The following EYS variants were observed in gnomAD, a reference collection of about 807,000 sequenced individuals.
The protein encoded by EYS is protein eyes shut homolog.
Under a neutral mutation model 282.1 loss-of-function variants are expected in EYS, and 250 were observed. The ratio of observed to expected loss-of-function variants is 0.89; its 90% CI spans 0.80 to 0.98. The LOEUF (loss-of-function observed/expected upper bound fraction) is 0.98. Ranked by LOEUF, EYS falls within the 50% of genes least tolerant of loss-of-function variation. EYS has a pLI of 0.00. For synonymous variants in EYS, 1,355 were observed against 1,282.9 expected (o/e 1.06, Z -1.20); for missense variants, 4,016 against 3,709.0 (o/e 1.08, Z -2.15).
chr6:64,019,416 C>CAT (rs561340590), intron 33 of EYS, among the ~76,000 whole-genome samples: 2 of 150,538 alleles, frequency 1.3e-5, no homozygotes, highest in African/African-American at 4.9e-5. Context: ...TCTTTCTTTC[C>CAT]TTTTTATTTT....
At chr6:64,584,413 T>C (rs1228411215) in intron 26 of EYS, among the ~76,000 whole-genome samples, 3 of 151,618 alleles carry the variant, frequency 2.0e-5, no homozygotes, top group Admixed American at 1.3e-4. Context: ...TTTAATATAA[T>C]ATTTAATATA....
At chr6:64,369,524 G>GTCTATGA (rs1772282940) in intron 29 of EYS, among the ~76,000 whole-genome samples, 1 of 151,906 alleles carries the variant, frequency 6.6e-6, no homozygotes, top group Non-Finnish European at 1.5e-5. Flanking sequence ...CACAATATTG[G>GTCTATGA]TTCTTCCCGT....
At chr6:65,357,696 G>A (rs1764543637) in intron 8 of EYS, among the ~76,000 whole-genome samples, 1 of 151,838 alleles carries the variant, frequency 6.6e-6, no homozygotes, top group Non-Finnish European at 1.5e-5. Context: ...AGTCTGCAAA[G>A]TATTCTCTTA....
intron 8 of EYS, among the ~76,000 whole-genome samples, chr6:65,371,622 T>C (rs1468946865): frequency 6.6e-6 from 1 of 151,724 alleles, no homozygotes; most frequent in African/African-American, 2.4e-5. Context: ...AGTATGATAA[T>C]ATTGAGCCTC....
intron 29 of EYS, among the ~76,000 whole-genome samples, chr6:64,314,096 C>G (rs1486463335): frequency 6.7e-6 from 1 of 149,858 alleles, no homozygotes; most frequent in Non-Finnish European, 1.5e-5. Flanking sequence ...AGTCAAGACC[C>G]TTCGCTGTGC....
chr6:65,469,085 G>A (rs1252576136), intron 5 of EYS, among the ~76,000 whole-genome samples: 1 of 152,030 alleles, frequency 6.6e-6, no homozygotes, highest in African/African-American at 2.4e-5. Flanking sequence ...ATTTCTGATA[G>A]AACAATATTT....
intron 31 of EYS, among the ~76,000 whole-genome samples, chr6:64,133,599 T>A (rs1774059512): frequency 6.6e-6 from 1 of 151,938 alleles, no homozygotes; most frequent in African/African-American, 2.4e-5. Context: ...TATGCACACA[T>A]GTTTTAATGA....
chr6:65,174,616 C>T (rs967614651), intron 12 of EYS, among the ~76,000 whole-genome samples: 1 of 151,110 alleles, frequency 6.6e-6, no homozygotes, highest in African/African-American at 2.4e-5. Flanking sequence ...GAAGATAATT[C>T]GATCTTCTAA....
intron 1 of EYS, among the ~76,000 whole-genome samples, chr6:65,684,904 T>G (rs186852175): frequency 4.3e-4 from 66 of 151,966 alleles, no homozygotes; most frequent in Non-Finnish European, 8.2e-4. Context: ...TCCTCCACCC[T>G]CAAGTGGGCC....
At position 63,762,650 on chromosome 6, in the gene EYS, A is replaced by G; in HGVS notation, c.7899-17T>C. 1.3e-6 allele frequency: 2 copies of G among 1,548,402 alleles called. No individual in the cohort carries two copies. Among genetic ancestry groups the G allele is most frequent in the Non-Finnish European group, 1.7e-6 (2 of 1,145,372 alleles). Reference sequence around the variant, plus strand: ...CAATTGCAGCTGTGGGTTGAGAGAAAGCCGCATGGTTTGAGCACTTGTTTA... The same window carrying G: ...CAATTGCAGCTGTGGGTTGAGAGAAGGCCGCATGGTTTGAGCACTTGTTTA... On this transcript the variant is annotated splice_polypyrimidine_tract_variant and intron_variant, in intron 40 of 42. Transcript: ENST00000503581.
At chr6:64,759,542 T>C (rs1053884323) in intron 22 of EYS, among the ~76,000 whole-genome samples, 2 of 152,196 alleles carry the variant, frequency 1.3e-5, no homozygotes, top group Non-Finnish European at 1.5e-5. Flanking sequence ...TAATTACACT[T>C]ATGCTCTTAG....
chr6:65,458,324 C>A (rs1013950121), intron 5 of EYS, among the ~76,000 whole-genome samples: 1 of 152,096 alleles, frequency 6.6e-6, no homozygotes, highest in East Asian at 1.9e-4. Context: ...TGTCTTCATT[C>A]TCCACCAACC....
At chr6:65,557,701 G>A (rs1386906376) in intron 2 of EYS, among the ~76,000 whole-genome samples, 2 of 152,184 alleles carry the variant, frequency 1.3e-5, no homozygotes, top group East Asian at 3.9e-4. Context: ...CACTCCCGAG[G>A]TTTGGTGGGT....
intron 5 of EYS, among the ~76,000 whole-genome samples, chr6:65,431,709 G>A (rs1469212585): frequency 1.3e-5 from 2 of 151,902 alleles, no homozygotes; most frequent in Non-Finnish European, 2.9e-5. Context: ...TAATATCTGT[G>A]TCACATTATC....
intron 32 of EYS, among the ~76,000 whole-genome samples, chr6:64,076,849 A>C (rs1466592327): frequency 6.6e-6 from 1 of 151,988 alleles, no homozygotes; most frequent in Non-Finnish European, 1.5e-5. Flanking sequence ...ATCTCTGTGC[A>C]AGTTCTTAAT....
intron 35 of EYS, among the ~76,000 whole-genome samples, chr6:63,953,591 G>T (rs983074754): frequency 2.6e-5 from 4 of 152,054 alleles, no homozygotes; most frequent in Admixed American, 2.6e-4. Flanking sequence ...ACATGGTTAG[G>T]TACTTCTGCC....
At chr6:64,397,236 A>G (rs1460157007) in intron 28 of EYS, among the ~76,000 whole-genome samples, 1 of 151,978 alleles carries the variant, frequency 6.6e-6, no homozygotes, top group East Asian at 1.9e-4. Flanking sequence ...TTACTTTTCC[A>G]TATGTTAAGG....
intron 8 of EYS, among the ~76,000 whole-genome samples, chr6:65,362,564 CATT>C (rs1329671234): frequency 1.3e-5 from 2 of 151,552 alleles, no homozygotes; most frequent in South Asian, 2.1e-4. Flanking sequence ...ACACATTACA[CATT>C]ATTATATATA....
chr6:64,321,136 G>C (rs554356134), intron 29 of EYS, among the ~76,000 whole-genome samples: 1 of 151,526 alleles, frequency 6.6e-6, no homozygotes, highest in Non-Finnish European at 1.5e-5. Context: ...TTGGCTTAGC[G>C]TTTATGCTTC....
Sources: gnomAD v4.1 joint callset for allele counts (sites outside exome capture counted in the v4.1 genomes callset) on GRCh38, gnomAD v4.1.1 for gene constraint, MANE v1.5 for transcripts, NCBI Gene and HGNC (gene_info 2026-07-23, HGNC 2026-07-21) for gene names.